Variants in PCLO observed in about 807,000 individuals in gnomAD.
PCLO encodes piccolo presynaptic cytomatrix protein.
PCLO carries 82 observed loss-of-function variants against 427.5 expected under a neutral mutation model. The ratio of observed to expected loss-of-function variants is 0.19; its 90% CI spans 0.16 to 0.23. PCLO has a LOEUF of 0.23. Among genes scored for constraint, PCLO ranks in the 10% least tolerant of loss-of-function variants. The pLI is 1.00. For synonymous variants in PCLO, 2,357 were observed against 2,155.4 expected (o/e 1.09, Z -2.59); for missense variants, 6,239 against 6,115.9 (o/e 1.02, Z -0.67).
chr7:83,122,306 T>A (rs1388932896), intron 3 of PCLO, among the ~76,000 whole-genome samples: 21 of 99,726 alleles, frequency 2.1e-4, no homozygotes, highest in Non-Finnish European at 3.1e-4. Context: ...TTTTTTTTTT[T>A]ATGGTGTTTT....
intron 9 of PCLO, among the ~76,000 whole-genome samples, chr7:82,894,184 T>G (rs2116141669): frequency 6.6e-6 from 1 of 152,092 alleles, no homozygotes; most frequent in African/African-American, 2.4e-5. Context: ...TCCCAAATAA[T>G]GAATTGTATA....
At chr7:83,012,038 G>A (rs1486918134) in intron 3 of PCLO, among the ~76,000 whole-genome samples, 1 of 151,834 alleles carries the variant, frequency 6.6e-6, no homozygotes, top group Non-Finnish European at 1.5e-5. Flanking sequence ...GAAATTATAT[G>A]TATTTATTGT....
At chr7:83,089,935 T>C (rs548412870) in intron 3 of PCLO, among the ~76,000 whole-genome samples, 161 of 152,324 alleles carry the variant, frequency 1.1e-3, no homozygotes, top group African/African-American at 3.8e-3. Context: ...TCCGTTTATA[T>C]AAAATTTGCA....
chr7:82,868,187 C>A (rs775184151), intron 10 of PCLO: 6 of 456,504 alleles, frequency 1.3e-5, no homozygotes, highest in African/African-American at 4.0e-5. Flanking sequence ...TTGATCACTG[C>A]CATGCCATCT....
At chr7:83,128,868 A>G (rs913914139) in intron 3 of PCLO, among the ~76,000 whole-genome samples, 3 of 152,268 alleles carry the variant, frequency 2.0e-5, no homozygotes, top group African/African-American at 7.2e-5. Flanking sequence ...AAACAATTGC[A>G]CAATGATTCC....
At chr7:83,071,086 T>A (rs924935792) in intron 3 of PCLO, among the ~76,000 whole-genome samples, 2 of 152,100 alleles carry the variant, frequency 1.3e-5, no homozygotes, top group Non-Finnish European at 2.9e-5. Context: ...TTTAACCAGT[T>A]TAAGTGTATA....
chr7:83,040,107 A>G (rs1210935351), intron 3 of PCLO, among the ~76,000 whole-genome samples: 1 of 152,072 alleles, frequency 6.6e-6, no homozygotes, highest in Non-Finnish European at 1.5e-5. Context: ...TTTGCTGAGA[A>G]TATAGGTCAT....
At chr7:83,097,218 T>G (rs1413573960) in intron 3 of PCLO, among the ~76,000 whole-genome samples, 3 of 131,744 alleles carry the variant, frequency 2.3e-5, no homozygotes, top group Admixed American at 9.8e-5. Flanking sequence ...ATATAAATCT[T>G]TTTTATTATA....
At chr7:83,030,137 A>AAAAAAAAAAAAAC (rs1788627709) in intron 3 of PCLO, among the ~76,000 whole-genome samples, 1 of 150,688 alleles carries the variant, frequency 6.6e-6, no homozygotes, top group Non-Finnish European at 1.5e-5. Flanking sequence ...AAAAAAAAGA[A>AAAAAAAAAAAAAC]AAGAAAAGAC....
rs537893964 is a variant in PCLO, at chr7:82,815,339, G to A, written c.14791+7156C>T. Among the ~76,000 whole-genome samples, 13 of 152,062 alleles carry A rather than the reference G, an allele frequency of 8.5e-5. No individual in the cohort carries two copies. In the South Asian group the frequency reaches 2.7e-3, roughly 32 times the overall value. On this transcript the variant is annotated intron_variant, in intron 20 of 24. Transcript: ENST00000333891. ...ATCTTTTGTACATTAATAATAGTTG[G>A]ATGGAAGCAAAATGGTGATTCAATA...
Position 82,915,235 on chromosome 7 carries a change from C to T in PCLO, c.12751G>A (p.Asp4251Asn), listed in dbSNP as rs753905228. The change falls in exon 7 of 25, where the codon GAC becomes AAC. Residue 4251 changes from aspartate (D) to asparagine (N), a missense_variant. Physicochemically the swap from Asp to Asn is conservative, Grantham distance 23 (BLOSUM62 1). Around this residue, in one of 5 missense-constraint regions of PCLO, gnomAD observed 680 missense variants for 677.3 expected, o/e 1.00. Transcript: ENST00000333891. Reference protein sequence around the residue: ...ITFGLRKNITDQQKFMGSSLG... With the variant: ...ITFGLRKNITNQQKFMGSSLG... ...GAAGATCCCATAAATTTTTGTTGGT[C>T]TGTAATATTTTTTCTGAGGCCAAAA... The T allele has an allele frequency of 3.1e-6, 5 of 1,613,094 alleles. No homozygotes were observed. The Admixed American group carries it at 6.7e-5, about 22-fold the overall frequency.
intron 3 of PCLO, among the ~76,000 whole-genome samples, chr7:83,051,754 TGAA>T (rs988648454): frequency 5.3e-5 from 8 of 152,048 alleles, no homozygotes; most frequent in Admixed American, 2.6e-4. Flanking sequence ...ATCAGAATAC[TGAA>T]GAAGAAGAAG....
In PCLO at chr7:82,949,935, T is replaced by G. The variant is rs992824540; in HGVS notation, c.10653A>C (p.Lys3551Asn). 3.7e-6 allele frequency: 6 copies of G among 1,613,734 alleles called. No homozygotes were observed. Among genetic ancestry groups the G allele is most frequent in the Middle Eastern group, 1.6e-4 (1 of 6,062 alleles). The change falls in exon 6 of 25, where the codon AAA becomes AAC. Residue 3551 changes from lysine to asparagine, a missense_variant. By Grantham distance (94) the Lys-to-Asn change is moderately conservative. Transcript: ENST00000333891. ...ARVDAKVEII[K>N]HISAPEKTYK... ...AAGTCTTTTCAGGTGCTGAAATGTG[T>G]TTAATTATTTCTACCTTGGCATCCA...
Position 82,758,619 on chromosome 7 carries a change from C to T in PCLO, c.15385G>A (p.Val5129Ile). Residue 5129 changes from valine (V) to isoleucine (I), a missense_variant, in exon 25 of 25, where the codon GTC becomes ATC. By Grantham distance (29) the Val-to-Ile change is conservative. Around this residue, in one of 5 missense-constraint regions of PCLO, gnomAD observed 877 missense variants for 925.5 expected, o/e 0.95. Coordinates refer to ENST00000333891, the MANE Select transcript of PCLO (RefSeq NM_033026.6). Reference protein sequence around the residue: ...LDKVDLRKRIVNWHKLLVSPT... With the variant: ...LDKVDLRKRIINWHKLLVSPT... ...CTGACCAAAAGTTTGTGCCAGTTGACTATTCTTTTTCTGAGATCCACTTTG... is the reference window on the plus strand; with the variant it reads ...CTGACCAAAAGTTTGTGCCAGTTGATTATTCTTTTTCTGAGATCCACTTTG... The T allele has an allele frequency of 6.2e-7, 1 of 1,611,980 alleles. No homozygotes were observed. Among genetic ancestry groups the T allele is most frequent in the Non-Finnish European group, 8.5e-7 (1 of 1,178,532 alleles).
chr7:82,911,358 T>A (rs1199466062), intron 7 of PCLO, among the ~76,000 whole-genome samples: 3 of 152,094 alleles, frequency 2.0e-5, no homozygotes, highest in African/African-American at 7.2e-5. Flanking sequence ...TCATCTTTCA[T>A]GGTAAAATCT....
At chr7:82,898,686 T>C (rs1218294565) in intron 9 of PCLO, among the ~76,000 whole-genome samples, 1 of 151,454 alleles carries the variant, frequency 6.6e-6, no homozygotes. Context: ...TGATTACTTT[T>C]TCCCTATTGA....
intron 3 of PCLO, among the ~76,000 whole-genome samples, chr7:83,077,304 A>G (rs1789980312): frequency 6.6e-6 from 1 of 152,094 alleles, no homozygotes; most frequent in Non-Finnish European, 1.5e-5. Context: ...CCAGAGAAGA[A>G]GGCAAAGGGC....
chr7:83,103,227 C>T (rs1158117402), intron 3 of PCLO, among the ~76,000 whole-genome samples: 1 of 151,904 alleles, frequency 6.6e-6, no homozygotes, highest in Non-Finnish European at 1.5e-5. Context: ...CTACTCCAAT[C>T]TATTTTTAAC....
intron 4 of PCLO, among the ~76,000 whole-genome samples, chr7:82,965,321 T>G (rs1237297056): frequency 1.3e-5 from 2 of 149,818 alleles, no homozygotes; most frequent in African/African-American, 4.9e-5. Context: ...TCTTTCTTTT[T>G]TTTTTTTTTT....
Sources: gnomAD v4.1 joint callset for allele counts (sites outside exome capture counted in the v4.1 genomes callset) on GRCh38, gnomAD v4.1.1 for gene constraint, gnomAD v4.1.1 regional missense constraint, MANE v1.5 for transcripts, NCBI Gene and HGNC (gene_info 2026-07-23, HGNC 2026-07-21) for gene names.